Variants in ITGAV observed in about 807,000 individuals in gnomAD.
The protein encoded by ITGAV is integrin alpha-V.
A neutral mutation model predicts 143.8 loss-of-function variants in ITGAV; 76 were observed. The observed-to-expected ratio is 0.53, with a 90% CI of 0.44 to 0.64. ITGAV has a LOEUF of 0.64. ITGAV is among the 30% of genes least tolerant of loss of function. The pLI, the probability that ITGAV is intolerant of heterozygous loss-of-function variation, is 0.00. For synonymous variants in ITGAV, 453 were observed against 446.7 expected, an observed-to-expected ratio of 1.01 and a Z score of -0.18; for missense variants, 1,193 against 1,274.7, an observed-to-expected ratio of 0.94 and a Z score of 0.98.
intron 2 of ITGAV, among the ~76,000 whole-genome samples, chr2:186,611,044 T>G (rs1301056867): frequency 6.6e-6 from 1 of 152,140 alleles, no homozygotes; most frequent in Non-Finnish European, 1.5e-5. Context: ...AGAAACTGTT[T>G]CCTTTCCATT....
intron 19 of ITGAV, among the ~76,000 whole-genome samples, chr2:186,664,149 G>C (rs1688822878): frequency 6.6e-6 from 1 of 152,038 alleles, no homozygotes; most frequent in Non-Finnish European, 1.5e-5. Flanking sequence ...ATTTTGTAAG[G>C]CATATGAATT....
At position 186,646,689 on chromosome 2, in the gene ITGAV, T is replaced by C. The variant is rs377123218; in HGVS notation, c.1163T>C (p.Ile388Thr). 14 of 1,560,846 alleles carry C rather than the reference T, an allele frequency of 9.0e-6. No individual in the cohort carries two copies. The highest frequency in any genetic ancestry group is 1.2e-5 in the South Asian group (1 of 84,374). Residue 388 changes from isoleucine to threonine, a missense_variant, in exon 13 of 30, where the codon ATT (isoleucine) becomes ACT (threonine). By Grantham distance (89) the Ile-to-Thr change is moderately conservative. Coordinates refer to ENST00000261023, the MANE Select transcript of ITGAV (RefSeq NM_002210.5). ...GDLDQDGFNDIAIAAPYGGED... is the reference protein window; with the variant it reads ...GDLDQDGFNDTAIAAPYGGED... The stretch of plus-strand genomic sequence containing the variant: ...CCTCCTCTTTTTTTCCCCACAGATA[T>C]TGCAATTGCTGCTCCATATGGGGGT...
At chr2:186,643,236 A>G (rs975527921) in intron 12 of ITGAV, among the ~76,000 whole-genome samples, 5 of 152,190 alleles carry the variant, frequency 3.3e-5, no homozygotes, top group Admixed American at 1.3e-4. Context: ...AGTTTTTGTT[A>G]TAATGTGTCG....
chr2:186,638,705 T>A (rs1688020797), intron 10 of ITGAV, among the ~76,000 whole-genome samples: 1 of 151,946 alleles, frequency 6.6e-6, no homozygotes, highest in South Asian at 2.1e-4. Context: ...ACTCTGTATT[T>A]TTCATTTTGT....
chr2:186,630,801 T>C lies in ITGAV; in HGVS notation c.528T>C (p.Asp176=). The change falls in exon 5 of 30, where the codon GAT becomes GAC. Residue 176 remains aspartate, a synonymous_variant. Transcript: ENST00000261023. ...TTTCCAATCTTTTTATTTTAGAAGA[T>C]ATTGATGCTGATGGACAGGGATTTT... The part of the protein sequence containing the change: ...TVEYAPCRSQ[D]IDADGQGFCQ... 6.4e-7 allele frequency: 1 copy of C among 1,560,596 alleles called. No individual in the cohort carries two copies. Among genetic ancestry groups the C allele is most frequent in the Non-Finnish European group, 8.8e-7 (1 of 1,134,046 alleles).
chr2:186,637,813 C>T (rs1355317191), intron 8 of ITGAV, among the ~76,000 whole-genome samples: 2 of 152,264 alleles, frequency 1.3e-5, no homozygotes, highest in East Asian at 3.9e-4. Context: ...CATCTCTGTA[C>T]GGTTATTACC....
At chr2:186,661,994 A>G (rs1306214580) in intron 18 of ITGAV, among the ~76,000 whole-genome samples, 2 of 152,176 alleles carry the variant, frequency 1.3e-5, no homozygotes, top group African/African-American at 4.8e-5. Context: ...TCCATTTCTG[A>G]AACTATCTTT....
chr2:186,611,076 C>A (rs978311077), intron 2 of ITGAV, among the ~76,000 whole-genome samples: 2 of 152,126 alleles, frequency 1.3e-5, no homozygotes, highest in Non-Finnish European at 2.9e-5. Flanking sequence ...GAGCCATTGG[C>A]ATTCTTTGTC....
chr2:186,657,415 A>G (rs1312398132), intron 17 of ITGAV, among the ~76,000 whole-genome samples: 1 of 152,188 alleles, frequency 6.6e-6, no homozygotes, highest in Non-Finnish European at 1.5e-5. Flanking sequence ...ACATACTATC[A>G]CAGTGCAGTT....
chr2:186,663,699 TTGATAAACAC>T (rs1688810859), intron 18 of ITGAV, 59 bp from the exon 19 acceptor site: 16 of 1,073,018 alleles, frequency 1.5e-5, no homozygotes, highest in Non-Finnish European at 2.1e-5. Context: ...CACATAGATA[TTGATAAACAC>T]TGCTTATGCC....
intron 8 of ITGAV, 119 bp from the exon 9 acceptor site, chr2:186,638,158 T>A: frequency 1.2e-6 from 1 of 806,126 alleles, no homozygotes; most frequent in Non-Finnish European, 2.0e-6. Context: ...TTTTCTAAAT[T>A]GATTGTTTGT....
intron 2 of ITGAV, 149 bp from the exon 3 acceptor site, chr2:186,622,190 G>C: frequency 1.7e-6 from 1 of 589,034 alleles, no homozygotes. Flanking sequence ...AGTCTCTAAT[G>C]TATATAAACT....
chr2:186,600,103 T>A, intron 1 of ITGAV: 1 of 480,602 alleles, frequency 2.1e-6, no homozygotes, highest in Non-Finnish European at 3.7e-6. Flanking sequence ...AAATACAAAG[T>A]TTAACCATGG....
At chr2:186,609,209 CCCT>C (rs1418554237) in intron 2 of ITGAV, among the ~76,000 whole-genome samples, 1 of 152,088 alleles carries the variant, frequency 6.6e-6, no homozygotes, top group Non-Finnish European at 1.5e-5. Context: ...TTGCAAATAA[CCCT>C]TTTTATCTGT....
At chr2:186,637,507 A>G (rs1687980708) in intron 8 of ITGAV, among the ~76,000 whole-genome samples, 1 of 151,852 alleles carries the variant, frequency 6.6e-6, no homozygotes, top group Non-Finnish European at 1.5e-5. Flanking sequence ...AAAGGAAAAG[A>G]AAATAAAATT....
Position 186,650,257 on chromosome 2 carries a change from G to A in ITGAV, c.1397+372G>A, listed in dbSNP as rs192506434. 2.4e-4 allele frequency among the ~76,000 whole-genome samples: 36 copies of A among 152,290 alleles called. No homozygotes were observed. The East Asian group carries it at 4.4e-3, about 19-fold the overall frequency. ...TCTTTGGAGACAGAGTTTCAGTGCA[G>A]TGGGACCATCTCGGCTCCCTGAAAC... On this transcript the variant is annotated intron_variant, in intron 14 of 29. Transcript: ENST00000261023.
intron 2 of ITGAV, among the ~76,000 whole-genome samples, chr2:186,605,901 A>ATTACATATAT (rs1687053652): frequency 2.0e-5 from 3 of 150,228 alleles, no homozygotes; most frequent in Non-Finnish European, 3.0e-5. Flanking sequence ...GTATATGTAT[A>ATTACATATAT]TCTTTTGTCC....
intron 13 of ITGAV, among the ~76,000 whole-genome samples, chr2:186,649,230 C>T (rs1360865381): frequency 2.7e-5 from 4 of 150,836 alleles, no homozygotes; most frequent in Non-Finnish European, 5.9e-5. Flanking sequence ...GCATTTTGAG[C>T]ATAAAGTTTT....
Position 186,590,436 on chromosome 2 carries a change from T to G in ITGAV, c.98T>G (p.Leu33Arg). The change falls in exon 1 of 30, where the codon CTA (leucine) becomes CGA (arginine). Residue 33 changes from leucine (L) to arginine (R), a missense_variant. Physicochemically the swap from Leu to Arg is moderately radical, Grantham distance 102. Coordinates refer to ENST00000261023, the MANE Select transcript of ITGAV (RefSeq NM_002210.5). Reference protein sequence around the residue: ...LLLPLCRAFNLDVDSPAEYSG... With the variant: ...LLLPLCRAFNRDVDSPAEYSG... ...CTACCTCTGTGCCGCGCCTTCAACC[T>G]AGACGTGGACAGTCCTGCCGAGTAC... The G allele has an allele frequency of 6.2e-7, 1 of 1,613,214 alleles. No individual in the cohort carries two copies.
Sources: gnomAD v4.1 joint callset for allele counts (sites outside exome capture counted in the v4.1 genomes callset) on GRCh38, gnomAD v4.1.1 for gene constraint, MANE v1.5 for transcripts, NCBI Gene and HGNC (gene_info 2026-07-23, HGNC 2026-07-21) for gene names.